The following IMMP2L variants were observed in gnomAD, a reference collection of about 807,000 sequenced individuals.
The protein encoded by IMMP2L is mitochondrial inner membrane protease subunit 2.
Under a neutral mutation model 19.3 loss-of-function variants are expected in IMMP2L, and 18 were observed. The observed-to-expected ratio is 0.93, with a 90% CI of 0.64 to 1.38. The LOEUF is 1.38. Among genes scored for constraint, IMMP2L ranks in the 40% most tolerant of loss-of-function variants. The probability of loss-of-function intolerance (pLI) is 0.00; values close to 1 mark genes in which losing one functional copy is unlikely to be tolerated. For missense variants in IMMP2L, 233 were observed against 218.2 expected (o/e 1.07, Z -0.43); for synonymous variants, 76 against 73.0 (o/e 1.04, Z -0.21).
intron 3 of IMMP2L, among the ~76,000 whole-genome samples, chr7:111,311,659 G>C (rs567510122): frequency 2.6e-5 from 4 of 152,246 alleles, no homozygotes; most frequent in African/African-American, 9.6e-5. Context: ...CTCCGGTCTA[G>C]AAACTGAGTG....
intron 5 of IMMP2L, among the ~76,000 whole-genome samples, chr7:110,861,701 C>T (rs1473368687): frequency 1.4e-5 from 2 of 144,640 alleles, no homozygotes; most frequent in African/African-American, 5.8e-5. Flanking sequence ...TCTGAAAATA[C>T]TACTGAAAGG....
chr7:110,927,976 G>A (rs1027401190), intron 4 of IMMP2L, among the ~76,000 whole-genome samples: 6 of 151,784 alleles, frequency 4.0e-5, no homozygotes, highest in Non-Finnish European at 1.5e-5. Flanking sequence ...TTCTTGATAT[G>A]TTTCCTCTCC....
At position 110,948,836 on chromosome 7, in the gene IMMP2L, C is replaced by T. The variant is rs554252328; in HGVS notation, c.305+14664G>A. ...CAGTGAACTAAGTGGGGTGAATCCA[C>T]CCTCAACGTGGACGGGCATCATCCA... On this transcript the variant is annotated intron_variant, in intron 4 of 5. Transcript: ENST00000405709. 4.6e-5 allele frequency among the ~76,000 whole-genome samples: 7 copies of T among 152,132 alleles called. No individual in the cohort carries two copies. The South Asian group carries it at 1.2e-3, about 27-fold the overall frequency.
At chr7:110,894,445 G>C (rs1811123024) in intron 4 of IMMP2L, among the ~76,000 whole-genome samples, 1 of 152,074 alleles carries the variant, frequency 6.6e-6, no homozygotes, top group Admixed American at 6.6e-5. Flanking sequence ...GCATATAATG[G>C]TTTTAATTTG....
chr7:110,957,622 T>A (rs1818488630), intron 4 of IMMP2L, among the ~76,000 whole-genome samples: 2 of 151,988 alleles, frequency 1.3e-5, no homozygotes, highest in Admixed American at 1.3e-4. Context: ...GATCTAATCT[T>A]ACTTCAGTTT....
At chr7:110,816,935 G>A (rs971569291) in intron 5 of IMMP2L, among the ~76,000 whole-genome samples, 4 of 152,066 alleles carry the variant, frequency 2.6e-5, no homozygotes, top group African/African-American at 7.2e-5. Flanking sequence ...GCCAGACTGC[G>A]TCTTTTAATT....
At chr7:111,391,761 G>C (rs1832372302) in intron 3 of IMMP2L, 1 of 592,444 alleles carries the variant, frequency 1.7e-6, no homozygotes, top group Non-Finnish European at 3.0e-6. Flanking sequence ...ATGGCAAAAA[G>C]ACAAACAACT....
At chr7:111,469,596 C>A (rs1261649073) in intron 3 of IMMP2L, among the ~76,000 whole-genome samples, 6 of 151,982 alleles carry the variant, frequency 3.9e-5, no homozygotes, top group Non-Finnish European at 8.8e-5. Context: ...TGATCTTTGA[C>A]AAACCTGACA....
rs1397737041 is a variant in IMMP2L at position 111,147,330 on chromosome 7, G to A, written c.240-183765C>T. On this transcript the variant is annotated intron_variant, in intron 3 of 5. Coordinates refer to ENST00000405709, the MANE Select transcript of IMMP2L (RefSeq NM_032549.4). Reference sequence around the variant, plus strand: ...GTTCACATAAATCAATAAGAAATTGGTTTAATTAATATAAAGGTCTTGCAT... The same window carrying A: ...GTTCACATAAATCAATAAGAAATTGATTTAATTAATATAAAGGTCTTGCAT... Among the ~76,000 whole-genome samples the A allele has an allele frequency of 3.3e-5, 5 of 151,974 alleles. No homozygotes were observed. In the South Asian group the frequency reaches 6.2e-4, roughly 19 times the overall value.
intron 3 of IMMP2L, among the ~76,000 whole-genome samples, chr7:111,119,290 G>T (rs1188004062): frequency 6.6e-6 from 1 of 152,128 alleles, no homozygotes; most frequent in East Asian, 1.9e-4. Flanking sequence ...TTTATTCGGA[G>T]GGGTATATGC....
chr7:110,971,421 G>T (rs948562979), intron 3 of IMMP2L, among the ~76,000 whole-genome samples: 1 of 152,014 alleles, frequency 6.6e-6, no homozygotes, highest in African/African-American at 2.4e-5. Flanking sequence ...CCAGCATTGG[G>T]GATTGTTAGT....
chr7:111,125,166 T>C, intron 3 of IMMP2L: 7 of 348,710 alleles, frequency 2.0e-5, no homozygotes. Flanking sequence ...AACTTTTATG[T>C]CTGGACTACA....
intron 1 of IMMP2L, among the ~76,000 whole-genome samples, chr7:111,557,665 A>G (rs902095688): frequency 3.3e-5 from 5 of 152,204 alleles, no homozygotes; most frequent in African/African-American, 1.2e-4. Context: ...CCTCTGTTAT[A>G]GCAAATAGCA....
chr7:111,005,752 C>T (rs1234074852), intron 3 of IMMP2L, among the ~76,000 whole-genome samples: 1 of 152,060 alleles, frequency 6.6e-6, no homozygotes, highest in African/African-American at 2.4e-5. Flanking sequence ...GACAATTACC[C>T]CTTCAGGAGA....
At chr7:110,895,058 T>C (rs1811186786) in intron 4 of IMMP2L, among the ~76,000 whole-genome samples, 1 of 152,186 alleles carries the variant, frequency 6.6e-6, no homozygotes, top group Non-Finnish European at 1.5e-5. Context: ...GGAAGAAGTT[T>C]ATTGGACTTA....
At chr7:110,704,015 T>A (rs1480634545) in intron 5 of IMMP2L, among the ~76,000 whole-genome samples, 2 of 151,930 alleles carry the variant, frequency 1.3e-5, no homozygotes, top group Non-Finnish European at 2.9e-5. Context: ...CCGGCTAATT[T>A]TTTTTGTATT....
At chr7:111,254,812 T>C (rs1816528855) in intron 3 of IMMP2L, among the ~76,000 whole-genome samples, 1 of 152,054 alleles carries the variant, frequency 6.6e-6, no homozygotes, top group Admixed American at 6.6e-5. Flanking sequence ...CCATGTCTAG[T>C]TGAAAACAAA....
chr7:111,218,807 A>T (rs1390061939), intron 3 of IMMP2L, among the ~76,000 whole-genome samples: 2 of 152,076 alleles, frequency 1.3e-5, no homozygotes, highest in Non-Finnish European at 2.9e-5. Context: ...TACTTTCCCC[A>T]TGAACAGTTC....
At chr7:111,033,385 GC>G (rs1563179086) in intron 3 of IMMP2L, among the ~76,000 whole-genome samples, 1 of 151,854 alleles carries the variant, frequency 6.6e-6, no homozygotes, top group African/African-American at 2.4e-5. Context: ...ATGCAAAGTG[GC>G]ACAGCCACTT....
Sources: allele counts gnomAD v4.1 joint callset (sites outside exome capture counted in the v4.1 genomes callset), GRCh38; gene constraint gnomAD v4.1.1; transcripts MANE v1.5; gene names NCBI Gene and HGNC (gene_info 2026-07-23, HGNC 2026-07-21).